PLA2R1: variants seen among roughly 807,000 people sequenced by gnomAD.
The protein encoded by PLA2R1 is secretory phospholipase A2 receptor.
Under a neutral mutation model 195.9 loss-of-function variants are expected in PLA2R1, and 158 were observed. That is an observed-to-expected ratio of 0.81 (90% CI 0.71 to 0.92). The LOEUF (loss-of-function observed/expected upper bound fraction) is 0.92, where lower values mean the gene tolerates loss of function less well. Ranked by LOEUF, PLA2R1 falls within the 40% of genes least tolerant of loss-of-function variation. The pLI is 0.00. For missense variants in PLA2R1, 1,626 were observed against 1,764.6 expected (o/e 0.92, Z 1.41); for synonymous variants, 586 against 598.2 (o/e 0.98, Z 0.30).
chr2:159,978,047 T>TGAATGTCATGACAGAAA (rs1689696059), intron 14 of PLA2R1, among the ~76,000 whole-genome samples: 1 of 152,110 alleles, frequency 6.6e-6, no homozygotes, highest in African/African-American at 2.4e-5. Context: ...ACTGGGAAAA[T>TGAATGTCATGACAGAAA]TTTCTAGCCT....
In PLA2R1 at chr2:160,062,410, C is replaced by T. The variant is rs2105740304; in HGVS notation, c.-7G>A. ...GCGACGGCGACAGCAGCATCGCTAA[C>T]CACTGGGCTCTCCGGGAGCCCCTTG... On this transcript the variant is annotated 5_prime_UTR_variant, in exon 1 of 30. Coordinates refer to ENST00000283243, the MANE Select transcript of PLA2R1 (RefSeq NM_007366.5). 2.0e-6 allele frequency: 3 copies of T among 1,536,362 alleles called. No homozygotes were observed. The East Asian group carries it at 7.7e-5, about 40-fold the overall frequency.
At chr2:160,046,258 G>A (rs1694861812) in intron 1 of PLA2R1, among the ~76,000 whole-genome samples, 1 of 152,220 alleles carries the variant, frequency 6.6e-6, no homozygotes, top group Non-Finnish European at 1.5e-5. Flanking sequence ...AGTCACCTCA[G>A]TTCATGTCTG....
chr2:160,061,744 C>T (rs1349093466), intron 1 of PLA2R1, among the ~76,000 whole-genome samples: 1 of 152,196 alleles, frequency 6.6e-6, no homozygotes, highest in Non-Finnish European at 1.5e-5. Flanking sequence ...CATTACACTA[C>T]AGCCTGGGCG....
chr2:160,045,572 A>C (rs1386182905), intron 1 of PLA2R1, among the ~76,000 whole-genome samples: 2 of 152,218 alleles, frequency 1.3e-5, no homozygotes, highest in African/African-American at 4.8e-5. Context: ...CAAGTGCCTG[A>C]ATGTTAGGAA....
rs1433285044 is a variant in PLA2R1 at position 159,934,832 on chromosome 2, A to G, written c.*6946T>C. The G allele has an allele frequency of 6.6e-6, 1 of 152,216 alleles. No individual in the cohort carries two copies. Among genetic ancestry groups the G allele is most frequent in the Non-Finnish European group, 1.5e-5 (1 of 68,042 alleles). The allele number at this position is 152,216 out of a possible 1,614,324, so 9.4% of individuals were successfully genotyped here. A position where few individuals can be genotyped will look rare whatever the true frequency, so the allele number is the denominator to read the frequency against. ...AAAACAAAGAAACTAATACTGGTAC[A>G]ATACTATTAATTAAACCATAGACTT... On this transcript the variant is annotated 3_prime_UTR_variant, in exon 30 of 30. Transcript: ENST00000283243.
intron 2 of PLA2R1, among the ~76,000 whole-genome samples, chr2:160,042,858 GGAGAGA>G (rs34457845): frequency 8.6e-5 from 12 of 139,814 alleles, no homozygotes; most frequent in South Asian, 4.7e-4. Context: ...TGAGACAGAG[GGAGAGA>G]GAGAGAGAGA....
At chr2:160,015,043 GA>G (rs1186164153) in intron 9 of PLA2R1, among the ~76,000 whole-genome samples, 1 of 152,028 alleles carries the variant, frequency 6.6e-6, no homozygotes. Flanking sequence ...AAAAGGGAGG[GA>G]AAAAAAGATC....
chr2:159,942,174 A>T lies in PLA2R1; in HGVS notation c.4145-15T>A, dbSNP rs1048115175. ...AGTGTGAATATCTAAAATCAAATACAAAAATTAAAATGAGGTTTTTCTTTT... is the reference window on the plus strand; with the variant it reads ...AGTGTGAATATCTAAAATCAAATACTAAAATTAAAATGAGGTTTTTCTTTT... On this transcript the variant is annotated splice_polypyrimidine_tract_variant and intron_variant, in intron 28 of 29. Transcript: ENST00000283243. 3 of 1,602,576 alleles carry T rather than the reference A, an allele frequency of 1.9e-6. No individual in the cohort carries two copies. The highest frequency in any genetic ancestry group is 3.6e-4 in the Middle Eastern group (2 of 5,506).
rs539639415 is a variant in PLA2R1, at chr2:160,043,393, G to A, written c.494-1195C>T. 4.6e-5 allele frequency among the ~76,000 whole-genome samples: 7 copies of A among 152,104 alleles called. No homozygotes were observed. The South Asian group carries it at 6.2e-4, about 14-fold the overall frequency. On this transcript the variant is annotated intron_variant, in intron 2 of 29. Coordinates refer to ENST00000283243, the MANE Select transcript of PLA2R1 (RefSeq NM_007366.5). The stretch of plus-strand genomic sequence containing the variant: ...GCCTTCTCAGGGTATTGCAATACTC[G>A]GCCATTCTTGGCCTTAATCAGGAAT...
At chr2:159,980,934 C>T (rs566778962) in intron 13 of PLA2R1, among the ~76,000 whole-genome samples, 1 of 152,134 alleles carries the variant, frequency 6.6e-6, no homozygotes, top group Admixed American at 6.5e-5. Context: ...ATCACTGATG[C>T]CCGGTTGGAC....
chr2:159,938,572 G>A lies in PLA2R1; in HGVS notation c.*3206C>T, dbSNP rs1686937772. 1 of 152,422 alleles carries A rather than the reference G, an allele frequency of 6.6e-6. No individual in the cohort carries two copies. Among genetic ancestry groups the A allele is most frequent in the Admixed American group, 6.5e-5 (1 of 15,276 alleles). The allele number at this position is 152,422 out of a possible 1,614,324, so 9.4% of individuals were successfully genotyped here. A position where few individuals can be genotyped will look rare whatever the true frequency, so the allele number is the denominator to read the frequency against. On this transcript the variant is annotated 3_prime_UTR_variant, in exon 30 of 30. Transcript: ENST00000283243. ...TCTCAAGAGATAAGACAGCACCAGGGACAGCCAGAATGAGGCCAAATCAAA... is the reference window on the plus strand; with the variant it reads ...TCTCAAGAGATAAGACAGCACCAGGAACAGCCAGAATGAGGCCAAATCAAA...
intron 4 of PLA2R1, 125 bp downstream of exon 4, chr2:160,032,834 C>T: frequency 5.1e-6 from 4 of 783,850 alleles, no homozygotes; most frequent in Non-Finnish European, 8.1e-6. Flanking sequence ...GAGTTTTGGG[C>T]CATATTATGG....
chr2:160,058,581 T>TA (rs1249181639), intron 1 of PLA2R1, among the ~76,000 whole-genome samples: 2 of 152,236 alleles, frequency 1.3e-5, no homozygotes, highest in Non-Finnish European at 2.9e-5. Context: ...TCATTTCCTT[T>TA]AGCAATGACT....
Position 160,013,303 on chromosome 2 carries a change from C to A in PLA2R1, c.1624G>T (p.Gly542Cys). 1 of 1,610,492 alleles carries A rather than the reference C, an allele frequency of 6.2e-7. No homozygotes were observed. The highest frequency in any genetic ancestry group is 8.5e-7 in the Non-Finnish European group (1 of 1,177,042). ...VLRSFDQASS[G>C]YYCPPALVTI... is the part of the protein sequence containing the mutation. ...ACAAGTGCAGGAGGACAGTAATAAC[C>A]GCTGGAAGCTTGGTCAAAGCTTCGA... Residue 542 changes from glycine (G) to cysteine (C), a missense_variant, in exon 10 of 30, where the codon GGT becomes TGT. Physicochemically the swap from Gly to Cys is radical, Grantham distance 159. Transcript: ENST00000283243.
intron 3 of PLA2R1, among the ~76,000 whole-genome samples, chr2:160,040,381 G>A (rs1694451636): frequency 6.6e-6 from 1 of 152,044 alleles, no homozygotes; most frequent in African/African-American, 2.4e-5. Flanking sequence ...GGTCTCCATT[G>A]CGATTGACCA....
chr2:159,937,497 A>T lies in PLA2R1; in HGVS notation c.*4281T>A, dbSNP rs4664304. On this transcript the variant is annotated 3_prime_UTR_variant, in exon 30 of 30. Coordinates refer to ENST00000283243, the MANE Select transcript of PLA2R1 (RefSeq NM_007366.5). The stretch of plus-strand genomic sequence containing the variant: ...TAAAAAAAACTTCAGAAAAGGTCTG[A>T]ATTCATTTTTCAGTTCAAATAAGCT... 6.6e-6 allele frequency: 1 copy of T among 152,080 alleles called. No individual in the cohort carries two copies. The highest frequency in any genetic ancestry group is 1.5e-5 in the Non-Finnish European group (1 of 67,960). The allele number at this position is 152,080 out of a possible 1,614,324, so 9.4% of individuals were successfully genotyped here. A position where few individuals can be genotyped will look rare whatever the true frequency, so the allele number is the denominator to read the frequency against.
At chr2:160,022,165 C>T (rs1693173515) in intron 7 of PLA2R1, among the ~76,000 whole-genome samples, 1 of 152,078 alleles carries the variant, frequency 6.6e-6, no homozygotes, top group Non-Finnish European at 1.5e-5. Flanking sequence ...AAGAGCAGGC[C>T]AACTCTGAGG....
intron 17 of PLA2R1, among the ~76,000 whole-genome samples, chr2:159,974,310 C>A (rs1028945338): frequency 2.6e-5 from 4 of 152,112 alleles, no homozygotes; most frequent in African/African-American, 9.7e-5. Context: ...CAAATTCCAC[C>A]ACTTAGCTGC....
At chr2:160,020,651 C>T (rs546009308) in intron 7 of PLA2R1, among the ~76,000 whole-genome samples, 17 of 152,318 alleles carry the variant, frequency 1.1e-4, no homozygotes, top group Non-Finnish European at 2.4e-4. Flanking sequence ...ATAGCACACT[C>T]AGCCCCCTCT....
Sources: gnomAD v4.1 joint callset for allele counts (sites outside exome capture counted in the v4.1 genomes callset) on GRCh38, gnomAD v4.1.1 for gene constraint, MANE v1.5 for transcripts, NCBI Gene and HGNC (gene_info 2026-07-23, HGNC 2026-07-21) for gene names.